Variants in AFF1 observed in about 807,000 individuals in gnomAD.
The protein encoded by AFF1 is ALF transcription elongation factor 1.
In AFF1, 48 loss-of-function variants were observed where a neutral mutation model predicts 121.7. The ratio of observed to expected loss-of-function variants is 0.39; its 90% confidence interval spans 0.31 to 0.50. AFF1 has a LOEUF of 0.50. Among genes scored for constraint, AFF1 ranks in the 20% least tolerant of loss-of-function variants. AFF1 has a pLI of 0.76. For missense variants in AFF1, 1,523 were observed against 1,511.7 expected, an observed-to-expected ratio of 1.01 and a Z score of -0.12; for synonymous variants, 613 against 563.0, an observed-to-expected ratio of 1.09 and a Z score of -1.26.
intron 2 of AFF1, chr4:86,974,046 A>G (rs1471810299): frequency 2.0e-5 from 3 of 152,264 alleles, no homozygotes; most frequent in Non-Finnish European, 4.4e-5. Context: ...AGTGTCACGG[A>G]TGAAATCTTT....
chr4:87,013,018 A>C (rs1726935874), intron 2 of AFF1, among the ~76,000 whole-genome samples: 1 of 139,192 alleles, frequency 7.2e-6, no homozygotes, highest in Non-Finnish European at 1.5e-5. Context: ...ACCAGATTGA[A>C]CTGCTATCAA....
intron 4 of AFF1, among the ~76,000 whole-genome samples, chr4:87,072,101 C>A (rs537964628): frequency 1.3e-5 from 2 of 152,162 alleles, no homozygotes; most frequent in Non-Finnish European, 2.9e-5. Flanking sequence ...TGGTGGCTCA[C>A]GCCTGTAATC....
At chr4:87,108,111 T>A (rs751398770) in intron 10 of AFF1, 48 bp from the exon 11 acceptor site, 3 of 1,590,800 alleles carry the variant, frequency 1.9e-6, no homozygotes, top group Non-Finnish European at 2.6e-6. Flanking sequence ...AAAGAAGAAA[T>A]CCACCTTGTA....
At chr4:87,008,095 C>T (rs1266490360) in intron 2 of AFF1, among the ~76,000 whole-genome samples, 3 of 152,162 alleles carry the variant, frequency 2.0e-5, no homozygotes, top group Admixed American at 6.5e-5. Flanking sequence ...AGAGTGATGA[C>T]AAGGCATTAG....
intron 12 of AFF1, 127 bp downstream of exon 12, chr4:87,115,426 G>A: frequency 9.9e-7 from 1 of 1,012,410 alleles, no homozygotes; most frequent in Non-Finnish European, 1.4e-6. Context: ...TTGATTCGCT[G>A]TAGCCTTTGC....
intron 2 of AFF1, among the ~76,000 whole-genome samples, chr4:86,960,563 G>A (rs145682188): frequency 3.9e-5 from 6 of 152,298 alleles, no homozygotes; most frequent in African/African-American, 1.2e-4. Flanking sequence ...CTTTATATTT[G>A]TGTAGTTACA....
chr4:87,093,523 G>T (rs1222163994), intron 7 of AFF1, among the ~76,000 whole-genome samples: 1 of 152,114 alleles, frequency 6.6e-6, no homozygotes, highest in East Asian at 1.9e-4. Flanking sequence ...GAGGTAGGGG[G>T]ATTTTACTTG....
At chr4:87,120,284 C>T (rs1052488529) in intron 12 of AFF1, among the ~76,000 whole-genome samples, 20 of 152,122 alleles carry the variant, frequency 1.3e-4, no homozygotes, top group Admixed American at 3.9e-4. Context: ...AATCTCCTTC[C>T]GAGGCGAATC....
At chr4:87,086,891 G>T (rs1412297232) in intron 5 of AFF1, among the ~76,000 whole-genome samples, 1 of 152,204 alleles carries the variant, frequency 6.6e-6, no homozygotes, top group African/African-American at 2.4e-5. Context: ...ATAATGTTTG[G>T]TTCTCTGGGG....
At chr4:87,109,264 G>T (rs1726230384) in intron 11 of AFF1, among the ~76,000 whole-genome samples, 1 of 152,206 alleles carries the variant, frequency 6.6e-6, no homozygotes, top group South Asian at 2.1e-4. Context: ...TTCCAATGGG[G>T]CATTAACTGA....
At chr4:86,979,251 C>T (rs936380588) in intron 2 of AFF1, among the ~76,000 whole-genome samples, 5 of 152,128 alleles carry the variant, frequency 3.3e-5, no homozygotes, top group African/African-American at 9.7e-5. Context: ...GCATGTGCCA[C>T]GAAGCCCGGC....
chr4:87,125,952 A>T, intron 13 of AFF1, 147 bp from the exon 14 acceptor site: 1 of 783,308 alleles, frequency 1.3e-6, no homozygotes, highest in Non-Finnish European at 2.1e-6. Flanking sequence ...AATGCCTCAA[A>T]AAGTCCCTGA....
At chr4:87,067,547 T>A (rs1721483270) in intron 4 of AFF1, among the ~76,000 whole-genome samples, 1 of 152,184 alleles carries the variant, frequency 6.6e-6, no homozygotes, top group African/African-American at 2.4e-5. Context: ...GATTACAAAT[T>A]CATGCATGTT....
intron 2 of AFF1, among the ~76,000 whole-genome samples, chr4:86,991,674 T>C (rs545315403): frequency 2.0e-5 from 3 of 152,222 alleles, no homozygotes; most frequent in Non-Finnish European, 4.4e-5. Context: ...TTACTACGTT[T>C]TTTTTTAAAG....
intron 4 of AFF1, among the ~76,000 whole-genome samples, chr4:87,076,613 T>TAA (rs1242341818): frequency 2.0e-5 from 3 of 152,234 alleles, no homozygotes; most frequent in African/African-American, 7.2e-5. Flanking sequence ...CCTTGTTTTG[T>TAA]AATCCATCAC....
intron 4 of AFF1, among the ~76,000 whole-genome samples, chr4:87,055,373 A>T (rs138649278): frequency 6.6e-6 from 1 of 152,184 alleles, no homozygotes; most frequent in African/African-American, 2.4e-5. Context: ...GGGTGGTATT[A>T]ATTGGAGTTG....
intron 2 of AFF1, among the ~76,000 whole-genome samples, chr4:86,955,652 A>G (rs1028576574): frequency 6.6e-6 from 1 of 152,176 alleles, no homozygotes; most frequent in African/African-American, 2.4e-5. Context: ...CAGGGGGAAA[A>G]CATGTTAAAA....
At chr4:87,008,244 TTAAAG>T (rs1283011446) in intron 2 of AFF1, among the ~76,000 whole-genome samples, 7 of 152,180 alleles carry the variant, frequency 4.6e-5, no homozygotes, top group Non-Finnish European at 8.8e-5. Context: ...TCTCACATAT[TTAAAG>T]TAGTAGGGTT....
At chr4:87,034,872 G>T (rs1176315336) in intron 2 of AFF1, among the ~76,000 whole-genome samples, 1 of 152,170 alleles carries the variant, frequency 6.6e-6, no homozygotes, top group Non-Finnish European at 1.5e-5. Flanking sequence ...CTGAATCATT[G>T]GAAATTGAGT....
Sources: allele counts gnomAD v4.1 joint callset (sites outside exome capture counted in the v4.1 genomes callset), GRCh38; gene constraint gnomAD v4.1.1; transcripts MANE v1.5; gene names NCBI Gene and HGNC (gene_info 2026-07-23, HGNC 2026-07-21).